NR2C2: variants seen among roughly 807,000 people sequenced by gnomAD.
NR2C2 encodes the protein nuclear receptor subfamily 2 group C member 2.
Under a neutral mutation model 62.9 loss-of-function variants are expected in NR2C2, and 6 were observed. The observed-to-expected ratio is 0.10, with a 90% confidence interval of 0.05 to 0.19. The LOEUF (loss-of-function observed/expected upper bound fraction) is 0.19. Among genes scored for constraint, NR2C2 ranks in the 10% least tolerant of loss-of-function variants. The pLI is 1.00. For missense variants in NR2C2, 479 were observed against 762.7 expected, an observed-to-expected ratio of 0.63 and a Z score of 4.38; for synonymous variants, 272 against 273.8, an observed-to-expected ratio of 0.99 and a Z score of 0.07.
At chr3:14,977,139 A>T (rs2040230610) in intron 1 of NR2C2, among the ~76,000 whole-genome samples, 1 of 151,834 alleles carries the variant, frequency 6.6e-6, no homozygotes, top group South Asian at 2.1e-4. Context: ...TAATCCTTTC[A>T]TTTCCTCTCG....
chr3:14,951,565 G>A (rs2039357609), intron 1 of NR2C2, among the ~76,000 whole-genome samples: 1 of 151,622 alleles, frequency 6.6e-6, no homozygotes, highest in Admixed American at 6.6e-5. Context: ...AATTACTCAG[G>A]GTAACCAAAG....
chr3:14,997,158 T>G (rs1457065735), intron 1 of NR2C2, among the ~76,000 whole-genome samples: 1 of 152,226 alleles, frequency 6.6e-6, no homozygotes, highest in Non-Finnish European at 1.5e-5. Context: ...TATGTTTAGA[T>G]ACACAGATAC....
In NR2C2 at chr3:15,043,036, A is replaced by G. The variant is rs752426012; in HGVS notation, c.*28A>G. The G allele has an allele frequency of 6.2e-7, 1 of 1,608,438 alleles. No homozygotes were observed. The highest frequency in any genetic ancestry group is 1.1e-5 in the South Asian group (1 of 90,544). On this transcript the variant is annotated 3_prime_UTR_variant, in exon 14 of 14. Transcript: ENST00000425241. Reference sequence around the variant, plus strand: ...CAAACCACACACCTGCCAAGGAGCAACAGAATCCTTCCAGGACCGTTCACA... The same window carrying G: ...CAAACCACACACCTGCCAAGGAGCAGCAGAATCCTTCCAGGACCGTTCACA...
rs2042321338 is a variant in NR2C2, at chr3:15,042,941, T to C, written c.1724T>C (p.Ile575Thr). 6.2e-7 allele frequency: 1 copy of C among 1,614,232 alleles called. No individual in the cohort carries two copies. The change falls in exon 14 of 14, where the codon ATA (isoleucine) becomes ACA (threonine). Residue 575 changes from isoleucine (I) to threonine (T), a missense_variant. Coordinates refer to ENST00000425241, the MANE Select transcript of NR2C2 (RefSeq NM_001291694.2). ...ATTGGCAATGTTTCGATAGACAGCA[T>C]AATCCCCTACATCCTCAAGATGGAG... ...GLIGNVSIDS[I>T]IPYILKMETA...
At chr3:14,982,546 C>T (rs1412703528) in intron 1 of NR2C2, among the ~76,000 whole-genome samples, 3 of 152,018 alleles carry the variant, frequency 2.0e-5, no homozygotes, top group Admixed American at 6.6e-5. Flanking sequence ...TTAAGCACGT[C>T]TTTATTTCCC....
intron 1 of NR2C2, among the ~76,000 whole-genome samples, chr3:14,990,427 C>T (rs1281003619): frequency 6.6e-6 from 1 of 152,212 alleles, no homozygotes; most frequent in Non-Finnish European, 1.5e-5. Context: ...GCTGGCAAAA[C>T]AGCAGGAACA....
At chr3:14,970,134 AC>A (rs1457874748) in intron 1 of NR2C2, among the ~76,000 whole-genome samples, 1 of 152,000 alleles carries the variant, frequency 6.6e-6, no homozygotes, top group Non-Finnish European at 1.5e-5. Context: ...AACCACTCTT[AC>A]CCTTTATCAC....
intron 4 of NR2C2, among the ~76,000 whole-genome samples, chr3:15,017,728 CA>C (rs1405673944): frequency 6.6e-6 from 1 of 152,164 alleles, no homozygotes; most frequent in Non-Finnish European, 1.5e-5. Flanking sequence ...GGCACTTTAC[CA>C]CAACTATTCT....
chr3:14,965,171 A>C (rs1042976156), intron 1 of NR2C2, among the ~76,000 whole-genome samples: 2 of 152,168 alleles, frequency 1.3e-5, no homozygotes, highest in African/African-American at 4.8e-5. Context: ...ATAACAAAAC[A>C]ACATTATTTG....
intron 2 of NR2C2, among the ~76,000 whole-genome samples, chr3:15,008,196 A>G (rs1265756712): frequency 2.6e-5 from 4 of 151,286 alleles, no homozygotes; most frequent in Non-Finnish European, 4.4e-5. Context: ...TTTAGATGTT[A>G]GCAAACAGTT....
chr3:14,949,504 G>A, intron 1 of NR2C2, among the ~76,000 whole-genome samples: 1 of 152,222 alleles, frequency 6.6e-6, no homozygotes, highest in East Asian at 1.9e-4. Flanking sequence ...AGCAACGGTA[G>A]TGAGGAACAA....
At chr3:14,954,375 A>G (rs1490819672) in intron 1 of NR2C2, among the ~76,000 whole-genome samples, 3 of 152,224 alleles carry the variant, frequency 2.0e-5, no homozygotes, top group Non-Finnish European at 2.9e-5. Context: ...ATTTTTAAAA[A>G]TAGTAAAATT....
intron 1 of NR2C2, among the ~76,000 whole-genome samples, chr3:14,949,509 G>A (rs1269573338): frequency 3.3e-5 from 5 of 152,212 alleles, no homozygotes; most frequent in Non-Finnish European, 7.3e-5. Context: ...CGGTAGTGAG[G>A]AACAAATCTT....
intron 2 of NR2C2, among the ~76,000 whole-genome samples, chr3:15,011,853 A>G (rs2041363332): frequency 6.6e-6 from 1 of 152,184 alleles, no homozygotes; most frequent in Admixed American, 6.5e-5. Flanking sequence ...ACATACTCAG[A>G]GATGTCTTTC....
At chr3:14,978,472 A>C (rs954021048) in intron 1 of NR2C2, among the ~76,000 whole-genome samples, 1 of 152,234 alleles carries the variant, frequency 6.6e-6, no homozygotes. Context: ...CACTGTTTCT[A>C]CTGAATGTGT....
chr3:15,034,788 C>G lies in NR2C2; in HGVS notation c.1351C>G (p.Leu451Val). The change falls in exon 11 of 14, where the codon CTG (leucine) becomes GTG (valine). Residue 451 changes from leucine to valine, a missense_variant. Leu to Val is a conservative substitution (Grantham distance 32, BLOSUM62 1). Around this residue, in one of 4 missense-constraint regions of NR2C2, gnomAD observed 162 missense variants for 296.8 expected, o/e 0.55. Transcript: ENST00000425241. ...CATCCTGGCTGCCATTGTCAACCAC[C>G]TGCAGAACAGCATCCAGGAAGGTAG... ...STILAAIVNH[L>V]QNSIQEDKLS... 6.2e-7 allele frequency: 1 copy of G among 1,613,586 alleles called. No individual in the cohort carries two copies. Among genetic ancestry groups the G allele is most frequent in the Non-Finnish European group, 8.5e-7 (1 of 1,179,760 alleles).
At chr3:14,971,073 G>A (rs145078788) in intron 1 of NR2C2, among the ~76,000 whole-genome samples, 6 of 152,222 alleles carry the variant, frequency 3.9e-5, no homozygotes, top group African/African-American at 1.4e-4. Flanking sequence ...AGATAGATTC[G>A]GCTAAGCCAT....
intron 9 of NR2C2, among the ~76,000 whole-genome samples, chr3:15,031,852 C>G (rs1365378964): frequency 6.6e-6 from 1 of 152,036 alleles, no homozygotes; most frequent in Non-Finnish European, 1.5e-5. Flanking sequence ...CCTCAGCCTC[C>G]GAAGTAGCTG....
chr3:14,992,024 G>A (rs190873836), intron 1 of NR2C2, among the ~76,000 whole-genome samples: 77 of 151,912 alleles, frequency 5.1e-4, no homozygotes, highest in Middle Eastern at 3.4e-3. Flanking sequence ...TTCCTACCTC[G>A]CCCTCCCAAA....
Sources: allele counts gnomAD v4.1 joint callset (sites outside exome capture counted in the v4.1 genomes callset), GRCh38; gene constraint gnomAD v4.1.1; regional missense constraint gnomAD v4.1.1; transcripts MANE v1.5; gene names NCBI Gene and HGNC (gene_info 2026-07-23, HGNC 2026-07-21).